LMLN: variants seen among roughly 807,000 people sequenced by gnomAD.
The protein encoded by LMLN is leishmanolysin like peptidase, also known as leishmanolysin-like peptidase.
Under a neutral mutation model 92.3 loss-of-function variants are expected in LMLN, and 70 were observed. The observed-to-expected ratio is 0.76, with a 90% confidence interval of 0.63 to 0.92. The LOEUF (loss-of-function observed/expected upper bound fraction) is 0.92. Among genes scored for constraint, LMLN ranks in the 40% least tolerant of loss-of-function variants. The pLI is 0.00. For synonymous variants in LMLN, 308 were observed against 296.2 expected (o/e 1.04, Z -0.41); for missense variants, 691 against 814.6 (o/e 0.85, Z 1.85).
chr3:197,977,837 C>T (rs919276138), intron 5 of LMLN, among the ~76,000 whole-genome samples: 3 of 151,894 alleles, frequency 2.0e-5, no homozygotes, highest in African/African-American at 7.3e-5. Flanking sequence ...GAAGTACACA[C>T]ACGTTAAATC....
intron 14 of LMLN, among the ~76,000 whole-genome samples, chr3:198,033,500 T>C (rs916396569): frequency 5.3e-5 from 8 of 152,130 alleles, no homozygotes; most frequent in African/African-American, 1.9e-4. Context: ...CACTGCAACC[T>C]CGGCCTCCTG....
At chr3:197,977,682 C>T (rs1486109383) in intron 5 of LMLN, among the ~76,000 whole-genome samples, 6 of 150,342 alleles carry the variant, frequency 4.0e-5, no homozygotes, top group Admixed American at 6.6e-5. Context: ...AGTATACACA[C>T]GTTAAATCTG....
intron 8 of LMLN, among the ~76,000 whole-genome samples, chr3:197,986,768 C>T (rs754049413): frequency 6.6e-6 from 1 of 151,784 alleles, no homozygotes; most frequent in Non-Finnish European, 1.5e-5. Flanking sequence ...ATTACAGAAT[C>T]TAGGTGAGCT....
intron 1 of LMLN, among the ~76,000 whole-genome samples, chr3:197,961,483 T>C (rs554062242): frequency 6.6e-6 from 1 of 152,354 alleles, no homozygotes; most frequent in South Asian, 2.1e-4. Context: ...TTTATAGCTT[T>C]TTTGCAGCTT....
chr3:198,025,811 G>A lies in LMLN; in HGVS notation c.1656+1023G>A, dbSNP rs1287494406. ...CTGCACCCTACAAATGGATGTCAGGGAGGACAGCGTAAGCCTGAGAAATGC... is the reference window on the plus strand; with the variant it reads ...CTGCACCCTACAAATGGATGTCAGGAAGGACAGCGTAAGCCTGAGAAATGC... On this transcript the variant is annotated intron_variant, in intron 14 of 15. Coordinates refer to ENST00000330198, the Ensembl canonical transcript of LMLN. The surrounding 1 kb of genome is among the most constrained non-coding windows in gnomAD (Gnocchi z 4.3). Among the ~76,000 whole-genome samples the A allele has an allele frequency of 1.3e-5, 2 of 152,234 alleles. No homozygotes were observed. Among genetic ancestry groups the A allele is most frequent in the African/African-American group, 4.8e-5 (2 of 41,464 alleles).
At chr3:198,024,318 C>T (rs1015410049) in intron 13 of LMLN, among the ~76,000 whole-genome samples, 1 of 151,456 alleles carries the variant, frequency 6.6e-6, no homozygotes, top group Non-Finnish European at 1.5e-5. Context: ...CGGGTTCACG[C>T]CATTCTCCTG....
intron 14 of LMLN, among the ~76,000 whole-genome samples, chr3:198,027,799 T>C (rs1722974765): frequency 1.3e-5 from 2 of 152,180 alleles, no homozygotes; most frequent in Admixed American, 6.5e-5. Flanking sequence ...CTCTTGGCTA[T>C]TGGAGTCTTG....
chr3:198,026,952 G>T (rs563811369), intron 14 of LMLN, among the ~76,000 whole-genome samples: 2 of 152,282 alleles, frequency 1.3e-5, no homozygotes, highest in Non-Finnish European at 2.9e-5. Flanking sequence ...GGTAGGAAAT[G>T]TATGTATATG....
intron 9 of LMLN, among the ~76,000 whole-genome samples, chr3:197,991,365 C>G (rs1721864332): frequency 6.6e-6 from 1 of 151,988 alleles, no homozygotes; most frequent in Admixed American, 6.6e-5. Context: ...CTCAGCCTCC[C>G]AAAGTGCTGG....
chr3:198,003,224 G>C, intron 11 of LMLN, 99 bp downstream of exon 12: 2 of 667,642 alleles, frequency 3.0e-6, no homozygotes, highest in Non-Finnish European at 5.0e-6. Context: ...AATGTAGTCT[G>C]AGCAGTTCAA....
chr3:197,983,899 T>C (rs552055072), intron 6 of LMLN, 44 bp from the exon 7 acceptor site: 31 of 1,263,946 alleles, frequency 2.5e-5, no homozygotes, highest in South Asian at 2.0e-4. Flanking sequence ...TTAATAAATA[T>C]TGTTCTGGAA....
exon 14 of LMLN, chr3:198,024,687 T>G: frequency 6.2e-7 from 1 of 1,608,398 alleles, no homozygotes; most frequent in Non-Finnish European, 8.5e-7. Flanking sequence ...CGCTGAAAAG[T>G]ATGGACCTCA....
At chr3:197,971,160 T>C (rs767370467) in intron 1 of LMLN, among the ~76,000 whole-genome samples, 1 of 152,200 alleles carries the variant, frequency 6.6e-6, no homozygotes, top group Non-Finnish European at 1.5e-5. Flanking sequence ...TATAATGTTG[T>C]ATTAGTTCTC....
chr3:197,993,491 A>G (rs1371894003), intron 9 of LMLN, among the ~76,000 whole-genome samples: 1 of 151,984 alleles, frequency 6.6e-6, no homozygotes, highest in Admixed American at 6.6e-5. Flanking sequence ...CAAGAAAACA[A>G]TCTCTTTTAC....
chr3:198,021,730 C>A, intron 13 of LMLN, 125 bp downstream of exon 14: 1 of 735,964 alleles, frequency 1.4e-6, no homozygotes, highest in Non-Finnish European at 2.2e-6. Flanking sequence ...AGTTCAGCTG[C>A]TATCCATATG....
chr3:197,991,080 G>A (rs919532875), intron 9 of LMLN, among the ~76,000 whole-genome samples: 46 of 151,266 alleles, frequency 3.0e-4, no homozygotes, highest in Non-Finnish European at 1.6e-4. Flanking sequence ...GGGAGGAAGA[G>A]ATTTCTTTTT....
intron 14 of LMLN, among the ~76,000 whole-genome samples, chr3:198,028,385 G>A (rs1042137924): frequency 2.6e-5 from 4 of 152,224 alleles, no homozygotes; most frequent in Non-Finnish European, 5.9e-5. Flanking sequence ...TGTTGAAATG[G>A]ACTTTGTTAT....
chr3:197,967,616 A>G (rs747174187), intron 1 of LMLN, among the ~76,000 whole-genome samples: 2 of 152,242 alleles, frequency 1.3e-5, no homozygotes, highest in Non-Finnish European at 2.9e-5. Context: ...TCAGCAGTGC[A>G]CGTATTGTCT....
chr3:198,001,020 C>G (rs1433413170), intron 11 of LMLN, among the ~76,000 whole-genome samples: 1 of 152,142 alleles, frequency 6.6e-6, no homozygotes, highest in Admixed American at 6.6e-5. Flanking sequence ...CAGAAACTCT[C>G]TGTTTCTAAT....
Sources: gnomAD v4.1 joint callset for allele counts (sites outside exome capture counted in the v4.1 genomes callset) on GRCh38, gnomAD v4.1.1 for gene constraint, Gnocchi (gnomAD v3.1) non-coding constraint, MANE v1.5 for transcripts, NCBI Gene and HGNC (gene_info 2026-07-23, HGNC 2026-07-21) for gene names.